Variants in SCAPER observed in about 807,000 individuals in gnomAD.
SCAPER encodes the protein S phase cyclin A-associated protein in the endoplasmic reticulum.
A neutral mutation model predicts 182.2 loss-of-function variants in SCAPER; 98 were observed. That is an observed-to-expected ratio of 0.54 (90% confidence interval 0.46 to 0.64). SCAPER has a LOEUF of 0.64. Among genes scored for constraint, SCAPER ranks in the 30% least tolerant of loss-of-function variants. The pLI is 0.00. For synonymous variants in SCAPER, 605 were observed against 564.6 expected, an observed-to-expected ratio of 1.07 and a Z score of -1.01; for missense variants, 1,432 against 1,690.0, an observed-to-expected ratio of 0.85 and a Z score of 2.68.
Position 76,476,595 on chromosome 15 carries a change from A to ATTTTT in SCAPER, c.2955-5265_2955-5261dup, listed in dbSNP as rs5813839. On this transcript the variant is annotated intron_variant, in intron 24 of 31. Coordinates refer to ENST00000563290, the MANE Select transcript of SCAPER (RefSeq NM_020843.4). ...AGGTACACACCACAACACCCAGCTA[A>ATTTTT]TTTTTTTTTTTTTTTTTTTTTTTTT... 8.4e-3 allele frequency among the ~76,000 whole-genome samples: 619 copies of ATTTTT among 73,532 alleles called. 80 individuals carry two copies. Among genetic ancestry groups the ATTTTT allele is most frequent in the Admixed American group, 0.013 (55 of 4,306 alleles). 48.2% of individuals were successfully genotyped at this position (73,532 alleles called of 152,430 possible).
chr15:76,448,860 C>T (rs530295548), intron 25 of SCAPER, among the ~76,000 whole-genome samples: 7 of 152,206 alleles, frequency 4.6e-5, no homozygotes, highest in African/African-American at 1.7e-4. Flanking sequence ...TGGATGCAGA[C>T]AGCTCTTTAA....
At chr15:76,539,503 G>A (rs548816265) in intron 23 of SCAPER, among the ~76,000 whole-genome samples, 1 of 150,802 alleles carries the variant, frequency 6.6e-6, no homozygotes, top group Non-Finnish European at 1.5e-5. Context: ...AATTATTTTG[G>A]CTACTTTTTA....
intron 23 of SCAPER, among the ~76,000 whole-genome samples, chr15:76,553,593 A>G (rs2045954628): frequency 6.6e-6 from 1 of 152,158 alleles, no homozygotes; most frequent in South Asian, 2.1e-4. Context: ...TGGGGCCAGG[A>G]GACTAGGGAA....
At chr15:76,712,321 T>C (rs2059631771) in intron 17 of SCAPER, among the ~76,000 whole-genome samples, 1 of 152,224 alleles carries the variant, frequency 6.6e-6, no homozygotes, top group Non-Finnish European at 1.5e-5. Flanking sequence ...ACCAGTACCA[T>C]GCTGTTTTGG....
At chr15:76,490,054 C>T (rs1453370450) in intron 24 of SCAPER, among the ~76,000 whole-genome samples, 1 of 152,148 alleles carries the variant, frequency 6.6e-6, no homozygotes, top group East Asian at 1.9e-4. Flanking sequence ...TGTCAATGGA[C>T]ATTCAAGTTG....
At position 76,795,411 on chromosome 15, in the gene SCAPER, C is replaced by A. The variant is rs369919523; in HGVS notation, c.641G>T (p.Arg214Leu). The change falls in exon 8 of 32, where the codon CGT becomes CTT. Residue 214 changes from arginine (R) to leucine (L), a missense_variant. By Grantham distance (102) the Arg-to-Leu change is moderately radical. This residue lies in a region of SCAPER where 480 missense variants were observed against 510.2 expected (regional missense o/e 0.94). Coordinates refer to ENST00000563290, the MANE Select transcript of SCAPER (RefSeq NM_020843.4). ...GGSTGTVPAP[R>L]LAPTGVSWAD... ...CCAACTGACACCTGTGGGAGCCAGACGAGGAGCTGGCACTGTGCCAGTTGA... is the reference window on the plus strand; with the variant it reads ...CCAACTGACACCTGTGGGAGCCAGAAGAGGAGCTGGCACTGTGCCAGTTGA... The A allele has an allele frequency of 6.2e-7, 1 of 1,606,546 alleles. No homozygotes were observed. The highest frequency in any genetic ancestry group is 2.2e-5 in the East Asian group (1 of 44,480).
intron 4 of SCAPER, chr15:76,855,784 G>T: frequency 2.8e-6 from 1 of 353,376 alleles, no homozygotes; most frequent in Non-Finnish European, 5.9e-6. Flanking sequence ...ATCTTGGCAA[G>T]GTTGTGGAGA....
intron 22 of SCAPER, among the ~76,000 whole-genome samples, chr15:76,602,092 T>A (rs895552139): frequency 4.9e-5 from 6 of 122,060 alleles, no homozygotes; most frequent in African/African-American, 1.5e-4. Flanking sequence ...CAACTGTACA[T>A]ACACACATAA....
intron 24 of SCAPER, among the ~76,000 whole-genome samples, chr15:76,482,911 G>A (rs980938328): frequency 3.3e-5 from 5 of 152,078 alleles, no homozygotes; most frequent in African/African-American, 9.7e-5. Context: ...ACTCAATAAT[G>A]TTAAGATGTC....
In SCAPER at chr15:76,691,176, GGACA is replaced by G. The variant is rs1363948751; in HGVS notation, c.2508+10578_2508+10581del. The stretch of plus-strand genomic sequence containing the variant: ...ATCCAATAGAATAAAAATGCTCAGT[GGACA>G]GACACAAAATCAATACACAGAAATG... On this transcript the variant is annotated intron_variant, in intron 20 of 31. Transcript: ENST00000563290. Among the ~76,000 whole-genome samples, 3 of 151,862 alleles carry G rather than the reference GGACA, an allele frequency of 2.0e-5. No individual in the cohort carries two copies. The South Asian group carries it at 6.2e-4, about 31-fold the overall frequency.
intron 21 of SCAPER, among the ~76,000 whole-genome samples, chr15:76,652,368 AC>A (rs2055202748): frequency 2.5e-5 from 1 of 40,578 alleles, no homozygotes; most frequent in Non-Finnish European, 4.3e-5. Context: ...ACACACACAC[AC>A]ACATATATAT....
intron 20 of SCAPER, 83 bp downstream of exon 20, chr15:76,701,675 T>C (rs530084200): frequency 4.2e-4 from 441 of 1,049,412 alleles, no homozygotes; most frequent in Non-Finnish European, 4.4e-4. Flanking sequence ...TAGAAATAAA[T>C]ACAAACACGG....
At chr15:76,356,295 G>A (rs2040958375) in intron 29 of SCAPER, among the ~76,000 whole-genome samples, 1 of 152,174 alleles carries the variant, frequency 6.6e-6, no homozygotes, top group Non-Finnish European at 1.5e-5. Flanking sequence ...CTTTGGGGCA[G>A]GGGGCAGGGC....
chr15:76,764,601 G>C (rs549277590), intron 14 of SCAPER, among the ~76,000 whole-genome samples: 116 of 152,318 alleles, frequency 7.6e-4, no homozygotes, highest in African/African-American at 2.7e-3. Context: ...CCAAGAGCAA[G>C]GACCAGGGCT....
rs777600548 is a variant in SCAPER, at chr15:76,774,866, C to G, written c.1024G>C (p.Glu342Gln). The G allele has an allele frequency of 6.8e-6, 11 of 1,607,416 alleles. No individual in the cohort carries two copies. Among genetic ancestry groups the G allele is most frequent in the Non-Finnish European group, 9.3e-6 (11 of 1,177,484 alleles). The change falls in exon 9 of 32, where the codon GAA becomes CAA. Residue 342 changes from glutamate to glutamine, a missense_variant. This residue lies in a region of SCAPER where 480 missense variants were observed against 510.2 expected (regional missense o/e 0.94). Transcript: ENST00000563290. The stretch of plus-strand genomic sequence containing the variant: ...TCAGAATGTACTACCTGGGTTTTTT[C>G]GGCAAGAGGATGGTCACAAGAGTGT... ...SLHSCDHPLA[E>Q]KTQFTVSTLD... is the part of the protein sequence containing the mutation.
chr15:76,839,972 T>C (rs1272922966), intron 5 of SCAPER, among the ~76,000 whole-genome samples: 2 of 152,208 alleles, frequency 1.3e-5, no homozygotes, highest in Non-Finnish European at 2.9e-5. Context: ...GCTGCTTTGA[T>C]TAATCTCTAG....
intron 5 of SCAPER, among the ~76,000 whole-genome samples, chr15:76,805,201 CTGT>C (rs906353487): frequency 1.3e-5 from 2 of 152,128 alleles, no homozygotes; most frequent in African/African-American, 4.8e-5. Flanking sequence ...GTTGTTTCTA[CTGT>C]TTATTATGAA....
In SCAPER at chr15:76,417,531, T is replaced by C. The variant is rs147780102; in HGVS notation, c.3312-12852A>G. ...GTAACTTAATAGGACATTGCTGTCA[T>C]TGATAAGGTCAGAGGACACAGGAAG... On this transcript the variant is annotated intron_variant, in intron 26 of 31. Transcript: ENST00000563290. Among the ~76,000 whole-genome samples the C allele has an allele frequency of 3.3e-5, 5 of 152,302 alleles. No individual in the cohort carries two copies. In the East Asian group the frequency reaches 5.8e-4, roughly 18 times the overall value.
At chr15:76,411,968 C>T (rs1282805461) in intron 26 of SCAPER, among the ~76,000 whole-genome samples, 1 of 152,076 alleles carries the variant, frequency 6.6e-6, no homozygotes, top group Non-Finnish European at 1.5e-5. Context: ...AAATCTTTCC[C>T]CCATTCCATG....
Sources: allele counts gnomAD v4.1 joint callset (sites outside exome capture counted in the v4.1 genomes callset), GRCh38; gene constraint gnomAD v4.1.1; regional missense constraint gnomAD v4.1.1; transcripts MANE v1.5; gene names NCBI Gene and HGNC (gene_info 2026-07-23, HGNC 2026-07-21).